SMYD3: variants seen among roughly 807,000 people sequenced by gnomAD.
SMYD3 encodes histone-lysine N-methyltransferase SMYD3.
In SMYD3, 36 loss-of-function variants were observed where a neutral mutation model predicts 57.7. The ratio of observed to expected loss-of-function variants is 0.62; its 90% CI spans 0.48 to 0.82. The LOEUF is 0.82. SMYD3 is among the 40% of genes least tolerant of loss of function. SMYD3 has a pLI of 0.00. For synonymous variants in SMYD3, 211 were observed against 195.0 expected, an observed-to-expected ratio of 1.08 and a Z score of -0.68; for missense variants, 515 against 538.8, an observed-to-expected ratio of 0.96 and a Z score of 0.44.
chr1:245,906,020 G>A (rs59263948), intron 8 of SMYD3, among the ~76,000 whole-genome samples: 2,193 of 152,232 alleles, frequency 0.014, 60 homozygotes, highest in African/African-American at 0.05. Context: ...TTAAATCTAA[G>A]ACCTCAAACT....
intron 5 of SMYD3, among the ~76,000 whole-genome samples, chr1:246,297,864 T>C (rs931768658): frequency 2.0e-5 from 3 of 152,158 alleles, no homozygotes; most frequent in African/African-American, 7.2e-5. Flanking sequence ...CATAGGACAA[T>C]GATCTTCATA....
intron 5 of SMYD3, among the ~76,000 whole-genome samples, chr1:246,159,652 G>C (rs2062082009): frequency 6.6e-6 from 1 of 152,188 alleles, no homozygotes; most frequent in African/African-American, 2.4e-5. Context: ...AGCATCCTAG[G>C]CAGGGCCATG....
intron 1 of SMYD3, among the ~76,000 whole-genome samples, chr1:246,502,135 C>CTTTTTTTT (rs56336266): frequency 2.7e-5 from 4 of 145,914 alleles, no homozygotes; most frequent in Non-Finnish European, 3.0e-5. Flanking sequence ...ATGCAGCTGC[C>CTTTTTTTT]TTTTTTTTTT....
At chr1:246,038,271 G>C (rs2059811459) in intron 5 of SMYD3, among the ~76,000 whole-genome samples, 1 of 152,050 alleles carries the variant, frequency 6.6e-6, no homozygotes, top group Non-Finnish European at 1.5e-5. Context: ...TTATGTCAGA[G>C]GGAAAGCAAA....
chr1:245,883,486 C>T (rs530256543), intron 8 of SMYD3, among the ~76,000 whole-genome samples: 1 of 152,250 alleles, frequency 6.6e-6, no homozygotes, highest in East Asian at 1.9e-4. Context: ...TAAATTCATT[C>T]TCACTTCTTT....
chr1:246,311,653 A>G (rs1057512394), intron 5 of SMYD3, among the ~76,000 whole-genome samples: 1 of 152,128 alleles, frequency 6.6e-6, no homozygotes, highest in African/African-American at 2.4e-5. Context: ...GCATACACAC[A>G]CGCGCACGCG....
At chr1:246,057,377 GTCCT>G (rs1227611724) in intron 5 of SMYD3, among the ~76,000 whole-genome samples, 3 of 152,094 alleles carry the variant, frequency 2.0e-5, no homozygotes, top group Admixed American at 1.3e-4. Context: ...CACTAATGTT[GTCCT>G]TCCTTCCTTC....
intron 1 of SMYD3, among the ~76,000 whole-genome samples, chr1:246,359,646 C>G (rs753154803): frequency 6.6e-6 from 1 of 152,080 alleles, no homozygotes; most frequent in Non-Finnish European, 1.5e-5. Context: ...CAGGGATGCA[C>G]GGATGGCTTA....
intron 10 of SMYD3, among the ~76,000 whole-genome samples, chr1:245,793,372 C>T (rs1048996944): frequency 2.0e-5 from 3 of 152,262 alleles, no homozygotes; most frequent in Middle Eastern, 6.8e-3. Flanking sequence ...TGTTTTCCCG[C>T]TGGCAGACAG....
intron 10 of SMYD3, among the ~76,000 whole-genome samples, chr1:245,807,828 C>A (rs5782369): frequency 0.022 from 2,942 of 135,812 alleles, 102 homozygotes; most frequent in African/African-American, 0.073. Flanking sequence ...AAAAAAAAAA[C>A]AAAAAACAAA....
At chr1:246,477,689 C>T (rs554290928) in intron 1 of SMYD3, among the ~76,000 whole-genome samples, 5 of 149,708 alleles carry the variant, frequency 3.3e-5, no homozygotes, top group African/African-American at 1.0e-4. Context: ...GGAATTTACA[C>T]AACTTATTGA....
At chr1:246,405,103 G>T (rs560102187) in intron 1 of SMYD3, among the ~76,000 whole-genome samples, 1 of 151,778 alleles carries the variant, frequency 6.6e-6, no homozygotes, top group Non-Finnish European at 1.5e-5. Context: ...AGGTGTGCAC[G>T]ACCACACCTG....
intron 10 of SMYD3, among the ~76,000 whole-genome samples, chr1:245,850,460 G>C (rs2050906098): frequency 6.6e-6 from 1 of 152,182 alleles, no homozygotes; most frequent in Non-Finnish European, 1.5e-5. Context: ...GGGAGGCCAA[G>C]GTGCGAGGAT....
intron 7 of SMYD3, among the ~76,000 whole-genome samples, chr1:245,926,244 G>C (rs1473981054): frequency 6.6e-6 from 1 of 152,168 alleles, no homozygotes; most frequent in Non-Finnish European, 1.5e-5. Context: ...GGAATCTGGG[G>C]GACATGTTTA....
intron 5 of SMYD3, among the ~76,000 whole-genome samples, chr1:246,174,858 T>A (rs1188611693): frequency 6.6e-6 from 1 of 152,216 alleles, no homozygotes; most frequent in Admixed American, 6.5e-5. Context: ...GGTAAGCACC[T>A]GATAAACTGA....
intron 5 of SMYD3, among the ~76,000 whole-genome samples, chr1:246,088,614 A>G (rs1042612587): frequency 1.3e-4 from 1 of 7,738 alleles, no homozygotes; most frequent in Non-Finnish European, 3.6e-4. Flanking sequence ...CGTCTCAAAG[A>G]AAAAAAAAAG....
chr1:246,124,299 G>A (rs1415249927), intron 5 of SMYD3, among the ~76,000 whole-genome samples: 1 of 152,014 alleles, frequency 6.6e-6, no homozygotes, highest in African/African-American at 2.4e-5. Flanking sequence ...TGTGGAGTTG[G>A]CCAAAGTGAC....
intron 5 of SMYD3, among the ~76,000 whole-genome samples, chr1:246,026,916 C>A (rs2059584391): frequency 6.6e-6 from 1 of 152,140 alleles, no homozygotes; most frequent in Non-Finnish European, 1.5e-5. Context: ...ACATGTGTTG[C>A]ACAAAACAGT....
intron 8 of SMYD3, among the ~76,000 whole-genome samples, chr1:245,903,666 G>A (rs1315817673): frequency 1.3e-5 from 2 of 152,180 alleles, no homozygotes; most frequent in Non-Finnish European, 2.9e-5. Flanking sequence ...GCATCTCTGG[G>A]TGCTAGGGAA....
Sources: gnomAD v4.1 joint callset for allele counts (sites outside exome capture counted in the v4.1 genomes callset) on GRCh38, gnomAD v4.1.1 for gene constraint, MANE v1.5 for transcripts, NCBI Gene and HGNC (gene_info 2026-07-23, HGNC 2026-07-21) for gene names.